Variants in FBXO17 observed in about 807,000 individuals in gnomAD.
FBXO17 encodes F-box protein 17.
A neutral mutation model predicts 34.1 loss-of-function variants in FBXO17; 43 were observed. That is an observed-to-expected ratio of 1.26 (90% confidence interval 0.99 to 1.62). FBXO17 has a LOEUF of 1.62. Ranked by LOEUF, FBXO17 falls within the 40% of genes most tolerant of loss-of-function variation. FBXO17 has a pLI of 0.00. For missense variants in FBXO17, 424 were observed against 386.7 expected (o/e 1.10, Z -0.81); for synonymous variants, 169 against 166.0 (o/e 1.02, Z -0.14).
At chr19:38,972,325 A>G (rs1322254489) in intron 1 of FBXO17, among the ~76,000 whole-genome samples, 1 of 152,154 alleles carries the variant, frequency 6.6e-6, no homozygotes, top group Non-Finnish European at 1.5e-5. Flanking sequence ...CAGGTGGATC[A>G]CCTGAGGTCA....
At chr19:38,944,827 G>T in intron 5 of FBXO17, 142 bp downstream of exon 5, 3 of 1,187,998 alleles carry the variant, frequency 2.5e-6, no homozygotes, top group Non-Finnish European at 3.6e-6. Flanking sequence ...CACAGGGCTT[G>T]GGATGTAAGA....
intron 1 of FBXO17, among the ~76,000 whole-genome samples, chr19:38,961,421 G>T (rs978892542): frequency 6.6e-6 from 1 of 151,390 alleles, no homozygotes; most frequent in African/African-American, 2.4e-5. Flanking sequence ...GATTACAAGC[G>T]TGCGCCACCA....
At chr19:38,961,282 C>CT (rs113778086) in intron 1 of FBXO17, among the ~76,000 whole-genome samples, 36 of 142,502 alleles carry the variant, frequency 2.5e-4, no homozygotes, top group Admixed American at 9.9e-4. Context: ...GATTTTAAAT[C>CT]TTTTTTTTTT....
At position 38,949,825 on chromosome 19, in the gene FBXO17, C is replaced by G. The variant is rs1323702693; in HGVS notation, c.349+146G>C. The G allele has an allele frequency of 2.9e-6, 3 of 1,041,004 alleles. No homozygotes were observed. In the East Asian group the frequency reaches 8.7e-5, roughly 30 times the overall value. 64.5% of individuals were successfully genotyped at this position (1,041,004 alleles called of 1,614,324 possible). On this transcript the variant is annotated intron_variant, in intron 2 of 5. Transcript: ENST00000292852. Reference sequence around the variant, plus strand: ...CAGCCCCGCCCACCGGGCCTACCGCCCAGGCACTGCGTCCCTCAGCCCCGC... The same window carrying G: ...CAGCCCCGCCCACCGGGCCTACCGCGCAGGCACTGCGTCCCTCAGCCCCGC...
Position 38,941,423 on chromosome 19 carries a change from G to A in FBXO17, c.*1185C>T, listed in dbSNP as rs1974883488. 2 of 152,240 alleles carry A rather than the reference G, an allele frequency of 1.3e-5. No individual in the cohort carries two copies. Among genetic ancestry groups the A allele is most frequent in the African/African-American group, 4.8e-5 (2 of 41,440 alleles). 9.4% of individuals were successfully genotyped at this position (152,240 alleles called of 1,614,324 possible). ...ATATAGGGTGTGGAGTGGGAAATCA[G>A]GGGTCTCACGGCCTTCAGAGCTGAG... On this transcript the variant is annotated 3_prime_UTR_variant, in exon 6 of 6. Coordinates refer to ENST00000292852, the MANE Select transcript of FBXO17 (RefSeq NM_024907.7).
Position 38,974,033 on chromosome 19 carries a change from C to T in FBXO17, c.-18+1553G>A, listed in dbSNP as rs202023059. ...ATATATATGTGTATATATATATATA[C>T]ATATATATATATACACATATATATA... On this transcript the variant is annotated intron_variant, in intron 1 of 5. Transcript: ENST00000292852. Among the ~76,000 whole-genome samples, 564 of 136,200 alleles carry T rather than the reference C, an allele frequency of 4.1e-3. 4 individuals carry two copies. Among genetic ancestry groups the T allele is most frequent in the East Asian group, 0.015 (70 of 4,526 alleles). The allele number at this position is 136,200 out of a possible 152,430, so 89.4% of individuals were successfully genotyped here.
chr19:38,958,406 C>CAAAAAAAA (rs61007658), intron 1 of FBXO17, among the ~76,000 whole-genome samples: 243 of 98,614 alleles, frequency 2.5e-3, no homozygotes, highest in East Asian at 3.5e-3. Flanking sequence ...GAAACTGTCT[C>CAAAAAAAA]AAAAAAAAAA....
chr19:38,950,127 G>C lies in FBXO17; in HGVS notation c.193C>G (p.Arg65Gly). The C allele has an allele frequency of 1.3e-6, 2 of 1,561,838 alleles. No homozygotes were observed. Among genetic ancestry groups the C allele is most frequent in the Non-Finnish European group, 8.6e-7 (1 of 1,157,362 alleles). Residue 65 changes from arginine to glycine, a missense_variant, in exon 2 of 6, where the codon CGC (arginine) becomes GGC (glycine). Arg to Gly is a moderately radical substitution (Grantham distance 125, BLOSUM62 -2). Coordinates refer to ENST00000292852, the MANE Select transcript of FBXO17 (RefSeq NM_024907.7). The stretch of plus-strand genomic sequence containing the variant: ...GCGCGGCCCTCGGCGCTGCGGTCGC[G>C]GGCCAGCTGCAGCAGCCACACAGTG... Reference protein sequence around the residue: ...GPTVWLLQLARDRSAEGRALY... With the variant: ...GPTVWLLQLAGDRSAEGRALY...
At chr19:38,973,176 C>T (rs1413227326) in intron 1 of FBXO17, among the ~76,000 whole-genome samples, 1 of 152,064 alleles carries the variant, frequency 6.6e-6, no homozygotes, top group Non-Finnish European at 1.5e-5. Context: ...AGTTCGAGAC[C>T]AGGCTGACCA....
rs927154615 is a variant in FBXO17 at position 38,975,242 on chromosome 19, C to T, written c.-18+344G>A. Among the ~76,000 whole-genome samples, 1 of 152,184 alleles carries T rather than the reference C, an allele frequency of 6.6e-6. No individual in the cohort carries two copies. Among genetic ancestry groups the T allele is most frequent in the Non-Finnish European group, 1.5e-5 (1 of 68,028 alleles). On this transcript the variant is annotated intron_variant, in intron 1 of 5. Coordinates refer to ENST00000292852, the MANE Select transcript of FBXO17 (RefSeq NM_024907.7). This position sits in a 1 kb window ranked among gnomAD's most constrained non-coding sequence, Gnocchi z 4.9. ...CGGCCTGGCCTTCCCCGGGCTGTTG[C>T]GCCCACGTGTTGGTTTGCAGCGTTT... is the stretch of plus-strand genomic sequence containing the variant.
chr19:38,959,216 G>A (rs1975211939), intron 1 of FBXO17, among the ~76,000 whole-genome samples: 1 of 150,646 alleles, frequency 6.6e-6, no homozygotes, highest in Non-Finnish European at 1.5e-5. Flanking sequence ...GGCCTGCTAA[G>A]GGATTTCTGA....
rs140497241 is a variant in FBXO17 at position 38,951,000 on chromosome 19, C to T, written c.-17-664G>A. The stretch of plus-strand genomic sequence containing the variant: ...AGAGACGGGGTTTCACCATCTTGGC[C>T]AGGCTGGTCTCGAACTCCTGACTTC... On this transcript the variant is annotated intron_variant, in intron 1 of 5. Coordinates refer to ENST00000292852, the MANE Select transcript of FBXO17 (RefSeq NM_024907.7). Among the ~76,000 whole-genome samples the T allele has an allele frequency of 3.5e-3, 528 of 151,902 alleles. 2 individuals carry two copies. Among genetic ancestry groups the T allele is most frequent in the African/African-American group, 0.012 (500 of 41,404 alleles).
At chr19:38,968,534 A>G (rs10409200) in intron 1 of FBXO17, among the ~76,000 whole-genome samples, 102,604 of 151,476 alleles carry the variant, frequency 0.68, 35,418 homozygotes, top group African/African-American at 0.79. Flanking sequence ...ACTTATATGA[A>G]ACCTAGCAAT....
intron 1 of FBXO17, among the ~76,000 whole-genome samples, chr19:38,968,183 G>C (rs1057343080): frequency 1.3e-5 from 2 of 152,064 alleles, no homozygotes; most frequent in African/African-American, 2.4e-5. Flanking sequence ...GCCGGGTATG[G>C]TGGTAGGCGC....
At chr19:38,951,025 C>G (rs1312816440) in intron 1 of FBXO17, among the ~76,000 whole-genome samples, 1 of 151,962 alleles carries the variant, frequency 6.6e-6, no homozygotes, top group African/African-American at 2.4e-5. Context: ...CTCCTGACTT[C>G]GTGATCCACC....
chr19:38,970,400 G>T (rs1285206979), intron 1 of FBXO17, among the ~76,000 whole-genome samples: 1 of 151,922 alleles, frequency 6.6e-6, no homozygotes, highest in Non-Finnish European at 1.5e-5. Context: ...TAGAGATGGG[G>T]TTTCACCATG....
At chr19:38,965,035 C>CA (rs999455235) in intron 1 of FBXO17, among the ~76,000 whole-genome samples, 6 of 151,992 alleles carry the variant, frequency 3.9e-5, no homozygotes, top group Non-Finnish European at 5.9e-5. Flanking sequence ...AACAAGCAAA[C>CA]AAAAAACCAC....
At chr19:38,955,488 T>C (rs7248334) in intron 1 of FBXO17, among the ~76,000 whole-genome samples, 17,775 of 144,378 alleles carry the variant, frequency 0.12, 1,217 homozygotes, top group African/African-American at 0.21. Flanking sequence ...TTCTTTCTTT[T>C]TTTTTTTTTT....
At chr19:38,965,056 C>A (rs893657526) in intron 1 of FBXO17, among the ~76,000 whole-genome samples, 2 of 152,070 alleles carry the variant, frequency 1.3e-5, no homozygotes, top group Non-Finnish European at 2.9e-5. Flanking sequence ...AGTCACCCAG[C>A]CTCTTGTTTG....
Sources: allele counts gnomAD v4.1 joint callset (sites outside exome capture counted in the v4.1 genomes callset), GRCh38; gene constraint gnomAD v4.1.1; non-coding constraint Gnocchi (gnomAD v3.1); transcripts MANE v1.5; gene names NCBI Gene and HGNC (gene_info 2026-07-23, HGNC 2026-07-21).